NFS1: variants seen among roughly 807,000 people sequenced by gnomAD.
NFS1 encodes NFS1 cysteine desulfurase.
In NFS1, 26 loss-of-function variants were observed where a neutral mutation model predicts 57.3. The ratio of observed to expected loss-of-function variants is 0.45; its 90% CI spans 0.33 to 0.63. The LOEUF is 0.63. Ranked by LOEUF, NFS1 falls within the 20% of genes least tolerant of loss-of-function variation. The pLI is 0.02. For synonymous variants in NFS1, 209 were observed against 216.3 expected (o/e 0.97, Z 0.30); for missense variants, 505 against 605.8 (o/e 0.83, Z 1.75).
chr20:35,674,271 C>T (rs1184435379), intron 10 of NFS1, 79 bp downstream of exon 10: 1 of 1,137,276 alleles, frequency 8.8e-7, no homozygotes, highest in African/African-American at 1.5e-5. Flanking sequence ...CCTATCATCT[C>T]CACACTGGGA....
At chr20:35,694,575 A>G (rs1470309128) in intron 4 of NFS1, 1 of 152,280 alleles carries the variant, frequency 6.6e-6, no homozygotes, top group Admixed American at 6.5e-5. Flanking sequence ...AGAAACATTT[A>G]TAATTGATTT....
Position 35,699,151 on chromosome 20 carries a change from G to A in NFS1, c.97+41C>T. On this transcript the variant is annotated intron_variant, in intron 1 of 12. Coordinates refer to ENST00000374092, the MANE Select transcript of NFS1 (RefSeq NM_021100.5). This position sits in a 1 kb window ranked among gnomAD's most constrained non-coding sequence, Gnocchi z 4.4. ...ATTCAGTTGCGTCGCCGCGCGGAGGGGACAGGTCCGCGCCTCCCGGAGAGC... is the reference window on the plus strand; with the variant it reads ...ATTCAGTTGCGTCGCCGCGCGGAGGAGACAGGTCCGCGCCTCCCGGAGAGC... The A allele has an allele frequency of 2.2e-6, 3 of 1,382,800 alleles. No individual in the cohort carries two copies. The highest frequency in any genetic ancestry group is 1.5e-5 in the African/African-American group (1 of 65,286). 85.7% of individuals were successfully genotyped at this position (1,382,800 alleles called of 1,614,324 possible). A position where few individuals can be genotyped will look rare whatever the true frequency, so the allele number is the denominator to read the frequency against.
In NFS1 at chr20:35,668,964, G is replaced by A. The variant is rs2034609248; in HGVS notation, c.*658C>T. 1 of 152,174 alleles carries A rather than the reference G, an allele frequency of 6.6e-6. No homozygotes were observed. Among genetic ancestry groups the A allele is most frequent in the Non-Finnish European group, 1.5e-5 (1 of 68,032 alleles). 9.4% of individuals were successfully genotyped at this position (152,174 alleles called of 1,614,324 possible). A position where few individuals can be genotyped will look rare whatever the true frequency, so the allele number is the denominator to read the frequency against. ...CCTCAACCTCTCATAAAGTCACAGA[G>A]TAAATAGAAGGTGAGTTTATTTCTC... On this transcript the variant is annotated 3_prime_UTR_variant, in exon 13 of 13. Transcript: ENST00000374092.
rs748879446 is a variant in NFS1, at chr20:35,675,163, C to T, written c.830G>A (p.Arg277His). The change falls in exon 8 of 13, where the codon CGT becomes CAT. Residue 277 changes from arginine to histidine, a missense_variant. Physicochemically the swap from Arg to His is conservative, Grantham distance 29 (BLOSUM62 0). Coordinates refer to ENST00000374092, the MANE Select transcript of NFS1 (RefSeq NM_021100.5). ...CCCTCCACTCTGCAGGGCCTCCACA[C>T]GCACACGGGGCCGGCGACGGATGTA... ...AIYIRRRPRV[R>H]VEALQSGGGQ... The T allele has an allele frequency of 3.7e-6, 6 of 1,613,704 alleles. No homozygotes were observed. The highest frequency in any genetic ancestry group is 2.2e-5 in the East Asian group (1 of 44,886).
At chr20:35,678,150 C>T (rs1315198226) in intron 7 of NFS1, among the ~76,000 whole-genome samples, 1 of 151,430 alleles carries the variant, frequency 6.6e-6, no homozygotes, top group African/African-American at 2.4e-5. Flanking sequence ...GAGATCAAAA[C>T]CATCCTGGCT....
chr20:35,685,156 G>C (rs1302914268), intron 5 of NFS1, among the ~76,000 whole-genome samples: 1 of 151,666 alleles, frequency 6.6e-6, no homozygotes, highest in Non-Finnish European at 1.5e-5. Flanking sequence ...AAAGTGCTGG[G>C]ATTATAGGCA....
At chr20:35,691,020 G>A (rs2035031820) in intron 4 of NFS1, among the ~76,000 whole-genome samples, 1 of 152,192 alleles carries the variant, frequency 6.6e-6, no homozygotes, top group African/African-American at 2.4e-5. Context: ...CCACTTGATG[G>A]AGGATGCTAA....
intron 4 of NFS1, among the ~76,000 whole-genome samples, chr20:35,694,169 A>C (rs1265583316): frequency 1.4e-5 from 2 of 145,372 alleles, no homozygotes; most frequent in Admixed American, 6.9e-5. Context: ...TTTGAGACAG[A>C]GTTTCGCCCT....
intron 6 of NFS1, 74 bp downstream of exon 6, chr20:35,681,814 T>G (rs2034853655): frequency 1.2e-6 from 1 of 821,400 alleles, no homozygotes; most frequent in Admixed American, 1.9e-5. Flanking sequence ...CCATAGAGTA[T>G]TACAGCTCTC....
intron 10 of NFS1, 142 bp downstream of exon 10, chr20:35,674,208 A>T: frequency 2.8e-6 from 2 of 726,178 alleles, no homozygotes; most frequent in South Asian, 3.2e-5. Context: ...AGCCAACCAA[A>T]AAAAGAGAGG....
intron 7 of NFS1, among the ~76,000 whole-genome samples, chr20:35,678,588 A>G (rs2146418221): frequency 6.6e-6 from 1 of 151,312 alleles, no homozygotes; most frequent in East Asian, 1.9e-4. Flanking sequence ...CTATAATCCC[A>G]GCTACTCAGG....
intron 4 of NFS1, among the ~76,000 whole-genome samples, chr20:35,692,956 T>C (rs1382092216): frequency 6.7e-6 from 1 of 150,342 alleles, no homozygotes; most frequent in Non-Finnish European, 1.5e-5. Context: ...AAGCCAAGAT[T>C]ACGGCACTGC....
chr20:35,689,694 C>T (rs1175842134), intron 5 of NFS1, among the ~76,000 whole-genome samples: 5 of 151,604 alleles, frequency 3.3e-5, no homozygotes, highest in Admixed American at 6.6e-5. Context: ...CGCTTGAACC[C>T]GGGAGGCAGA....
At chr20:35,675,324 T>TA in intron 7 of NFS1, 122 bp from the exon 8 acceptor site, 1 of 1,041,410 alleles carries the variant, frequency 9.6e-7, no homozygotes, top group Non-Finnish European at 1.4e-6. Flanking sequence ...TTTTTCTAAA[T>TA]AAAAAACGTT....
rs559321145 is a variant in NFS1, at chr20:35,668,697, A to G, written c.*925T>C. The G allele has an allele frequency of 2.6e-5, 4 of 152,320 alleles. No individual in the cohort carries two copies. The East Asian group carries it at 5.8e-4, about 22-fold the overall frequency. The allele number at this position is 152,320 out of a possible 1,614,324, so 9.4% of individuals were successfully genotyped here. On this transcript the variant is annotated 3_prime_UTR_variant, in exon 13 of 13. Transcript: ENST00000374092. ...TCTTTCATAGCACTTATCACAATCT[A>G]TAACATTGTTTATTTGTTTAATTAT... is the stretch of plus-strand genomic sequence containing the variant.
At chr20:35,685,858 C>A (rs1463066984) in intron 5 of NFS1, among the ~76,000 whole-genome samples, 2 of 145,090 alleles carry the variant, frequency 1.4e-5, no homozygotes, top group African/African-American at 2.6e-5. Flanking sequence ...AATTCAGTAC[C>A]CCCCCGCAAA....
chr20:35,682,953 C>G (rs1369677754), intron 5 of NFS1, among the ~76,000 whole-genome samples: 1 of 151,592 alleles, frequency 6.6e-6, no homozygotes, highest in Non-Finnish European at 1.5e-5. Context: ...TGGCAGGCAC[C>G]GGTAGTCCCA....
chr20:35,674,017 G>T (rs1047626409), intron 10 of NFS1: 3 of 451,326 alleles, frequency 6.6e-6, no homozygotes, highest in Non-Finnish European at 1.2e-5. Flanking sequence ...ATCTGCACCA[G>T]CCTGAAGGGC....
chr20:35,692,064 T>TA (rs1438223255), intron 4 of NFS1, among the ~76,000 whole-genome samples: 1 of 151,856 alleles, frequency 6.6e-6, no homozygotes, highest in African/African-American at 2.4e-5. Flanking sequence ...TACATGCCTG[T>TA]AATCCCAGAT....
Sources: gnomAD v4.1 joint callset for allele counts (sites outside exome capture counted in the v4.1 genomes callset) on GRCh38, gnomAD v4.1.1 for gene constraint, Gnocchi (gnomAD v3.1) non-coding constraint, MANE v1.5 for transcripts, NCBI Gene and HGNC (gene_info 2026-07-23, HGNC 2026-07-21) for gene names.